Variants in SNX13 observed in about 807,000 individuals in gnomAD.
The protein encoded by SNX13 is sorting nexin-13.
A neutral mutation model predicts 133.6 loss-of-function variants in SNX13; 45 were observed. The observed-to-expected ratio is 0.34, with a 90% CI of 0.27 to 0.43. The LOEUF (loss-of-function observed/expected upper bound fraction) is 0.43, where lower values mean the gene tolerates loss of function less well. Ranked by LOEUF, SNX13 falls within the 20% of genes least tolerant of loss-of-function variation. The pLI is 1.00. For missense variants in SNX13, 1,032 were observed against 1,145.1 expected (o/e 0.90, Z 1.43); for synonymous variants, 414 against 373.9 (o/e 1.11, Z -1.24).
At chr7:17,848,040 G>A (rs901075992) in intron 11 of SNX13, among the ~76,000 whole-genome samples, 1 of 152,110 alleles carries the variant, frequency 6.6e-6, no homozygotes, top group Non-Finnish European at 1.5e-5. Flanking sequence ...TTATATCCCT[G>A]TTTTCCTGCT....
intron 1 of SNX13, among the ~76,000 whole-genome samples, chr7:17,907,589 T>C (rs1012230395): frequency 6.6e-6 from 1 of 152,110 alleles, no homozygotes; most frequent in Non-Finnish European, 1.5e-5. Context: ...TGCAAGGCAA[T>C]AACTGGATAA....
chr7:17,923,142 G>A (rs1800314815), intron 1 of SNX13, among the ~76,000 whole-genome samples: 1 of 152,096 alleles, frequency 6.6e-6, no homozygotes, highest in African/African-American at 2.4e-5. Flanking sequence ...TTTCTACCAT[G>A]CAAAAGTCAT....
At chr7:17,888,480 A>C (rs1796259849) in intron 5 of SNX13, 1 of 211,728 alleles carries the variant, frequency 4.7e-6, no homozygotes. Flanking sequence ...TAAAATATTT[A>C]ATTGGGTAGG....
Position 17,839,839 on chromosome 7 carries a change from C to T in SNX13, c.1327G>A (p.Val443Ile), listed in dbSNP as rs1438331927. 2 of 1,610,408 alleles carry T rather than the reference C, an allele frequency of 1.2e-6. No individual in the cohort carries two copies. The highest frequency in any genetic ancestry group is 1.7e-6 in the Non-Finnish European group (2 of 1,177,854). ...QTKGLLRAAAVGIYEQYLSEK... is the reference protein window; with the variant it reads ...QTKGLLRAAAIGIYEQYLSEK... Reference sequence around the variant, plus strand: ...GATAAATACTGTTCATAAATTCCAACAGCAGCTGCTCTTAAAAGACCTTTG... The same window carrying T: ...GATAAATACTGTTCATAAATTCCAATAGCAGCTGCTCTTAAAAGACCTTTG... The change falls in exon 13 of 26, where the codon GTT becomes ATT. Residue 443 changes from valine to isoleucine, a missense_variant. Coordinates refer to ENST00000428135, the MANE Select transcript of SNX13 (RefSeq NM_015132.5).
chr7:17,865,722 T>C (rs1414919565), intron 9 of SNX13, among the ~76,000 whole-genome samples: 1 of 152,164 alleles, frequency 6.6e-6, no homozygotes, highest in African/African-American at 2.4e-5. Flanking sequence ...GACATCACAT[T>C]ACTTGACTTC....
chr7:17,793,552 G>C lies in SNX13; in HGVS notation c.*493C>G, dbSNP rs1435678822. 2 of 152,264 alleles carry C rather than the reference G, an allele frequency of 1.3e-5. No individual in the cohort carries two copies. Among genetic ancestry groups the C allele is most frequent in the African/African-American group, 2.4e-5 (1 of 41,400 alleles). The allele number at this position is 152,264 out of a possible 1,614,324, so 9.4% of individuals were successfully genotyped here. ...CCAGACCTGAAAGAGATGTTTCAAG[G>C]ATCATTCACCTGGCTAATCCACAAT... On this transcript the variant is annotated 3_prime_UTR_variant, in exon 26 of 26. Coordinates refer to ENST00000428135, the MANE Select transcript of SNX13 (RefSeq NM_015132.5).
intron 16 of SNX13, among the ~76,000 whole-genome samples, chr7:17,827,377 G>A (rs1281078472): frequency 3.3e-5 from 5 of 151,866 alleles, no homozygotes; most frequent in Admixed American, 2.6e-4. Flanking sequence ...AAAATAATAG[G>A]ATGTGAATGA....
At chr7:17,884,471 GT>G in intron 5 of SNX13, among the ~76,000 whole-genome samples, 1 of 152,090 alleles carries the variant, frequency 6.6e-6, no homozygotes, top group East Asian at 1.9e-4. Flanking sequence ...CATAAGAATT[GT>G]TTTTTCAACT....
chr7:17,832,798 C>G (rs1788660952), intron 15 of SNX13, among the ~76,000 whole-genome samples: 1 of 151,120 alleles, frequency 6.6e-6, no homozygotes, highest in Non-Finnish European at 1.5e-5. Context: ...TTTAAAAACC[C>G]AAGGCATCAG....
intron 1 of SNX13, among the ~76,000 whole-genome samples, chr7:17,935,732 T>C (rs1273213190): frequency 2.6e-5 from 4 of 152,190 alleles, no homozygotes; most frequent in Non-Finnish European, 5.9e-5. Context: ...TCATTTTAGA[T>C]ACTGATGTCC....
chr7:17,834,327 A>G (rs1788874837), intron 14 of SNX13, 143 bp from the exon 15 acceptor site: 1 of 694,246 alleles, frequency 1.4e-6, no homozygotes, highest in Non-Finnish European at 2.2e-6. Context: ...CTATTTCACA[A>G]CTAATGATTT....
chr7:17,900,113 A>G (rs959905037), intron 1 of SNX13: 1 of 152,248 alleles, frequency 6.6e-6, no homozygotes, highest in Admixed American at 6.5e-5. Context: ...TGGAAGAATT[A>G]TCTAAATTAC....
Position 17,799,451 on chromosome 7 carries a change from T to C in SNX13, c.2299-297A>G, listed in dbSNP as rs138837156. Among the ~76,000 whole-genome samples the C allele has an allele frequency of 4.0e-3, 613 of 151,888 alleles. 1 individual carries two copies. Among genetic ancestry groups the C allele is most frequent in the African/African-American group, 0.014 (582 of 41,524 alleles). ...GGAAAAGATGATTTGGTTCTTACTATTGGAAGAGACTGTATGAGTTTGATA... is the reference window on the plus strand; with the variant it reads ...GGAAAAGATGATTTGGTTCTTACTACTGGAAGAGACTGTATGAGTTTGATA... On this transcript the variant is annotated intron_variant, in intron 22 of 25. Coordinates refer to ENST00000428135, the MANE Select transcript of SNX13 (RefSeq NM_015132.5).
chr7:17,814,436 T>TA (rs900888871), intron 20 of SNX13, among the ~76,000 whole-genome samples: 1 of 152,060 alleles, frequency 6.6e-6, no homozygotes, highest in Non-Finnish European at 1.5e-5. Context: ...TAAAATATTT[T>TA]ATATAATAAT....
intron 17 of SNX13, among the ~76,000 whole-genome samples, chr7:17,821,893 T>C (rs546199652): frequency 1.3e-5 from 2 of 152,298 alleles, no homozygotes; most frequent in East Asian, 3.9e-4. Context: ...AAGTTCAGTA[T>C]GACACTATCA....
intron 15 of SNX13, 34 bp from the exon 16 acceptor site, chr7:17,830,081 A>C: frequency 1.3e-6 from 2 of 1,493,906 alleles, no homozygotes; most frequent in Non-Finnish European, 1.8e-6. Context: ...GTATACAGCA[A>C]AAAACTTTAA....
intron 9 of SNX13, among the ~76,000 whole-genome samples, chr7:17,864,720 T>C (rs548546163): frequency 6.8e-6 from 1 of 147,526 alleles, no homozygotes; most frequent in Non-Finnish European, 1.5e-5. Context: ...AATCAAACTC[T>C]CCAAGGTCAA....
intron 1 of SNX13, among the ~76,000 whole-genome samples, chr7:17,937,574 T>C (rs1199469487): frequency 6.6e-6 from 1 of 151,270 alleles, no homozygotes; most frequent in Non-Finnish European, 1.5e-5. Flanking sequence ...AAGTTTCATA[T>C]GAACACTTAT....
chr7:17,916,673 T>A (rs1799593708), intron 1 of SNX13, among the ~76,000 whole-genome samples: 1 of 150,116 alleles, frequency 6.7e-6, no homozygotes, highest in African/African-American at 2.4e-5. Flanking sequence ...AAGAAGAACG[T>A]ATCAACCAAA....
Sources: gnomAD v4.1 joint callset for allele counts (sites outside exome capture counted in the v4.1 genomes callset) on GRCh38, gnomAD v4.1.1 for gene constraint, MANE v1.5 for transcripts, NCBI Gene and HGNC (gene_info 2026-07-23, HGNC 2026-07-21) for gene names.